The following EHBP1 variants were observed in gnomAD, a reference collection of about 807,000 sequenced individuals.
EHBP1 encodes the protein EH domain binding protein 1, also known as EH domain-binding protein 1.
In EHBP1, 55 loss-of-function variants were observed where a neutral mutation model predicts 144.0. That is an observed-to-expected ratio of 0.38 (90% CI 0.31 to 0.48). The LOEUF (loss-of-function observed/expected upper bound fraction) is 0.48. Ranked by LOEUF, EHBP1 falls within the 20% of genes least tolerant of loss-of-function variation. The pLI, the probability that EHBP1 is intolerant of heterozygous loss-of-function variation, is 0.98. For synonymous variants in EHBP1, 469 were observed against 472.7 expected, an observed-to-expected ratio of 0.99 and a Z score of 0.10; for missense variants, 1,200 against 1,364.2, an observed-to-expected ratio of 0.88 and a Z score of 1.90.
chr2:62,774,127 T>G (rs1038041805), intron 5 of EHBP1, among the ~76,000 whole-genome samples: 9 of 151,936 alleles, frequency 5.9e-5, no homozygotes, highest in Non-Finnish European at 1.2e-4. Context: ...TCCCAGCACT[T>G]TGGGAGGCCA....
At chr2:62,752,600 T>A (rs1028855865) in intron 3 of EHBP1, among the ~76,000 whole-genome samples, 7 of 152,100 alleles carry the variant, frequency 4.6e-5, no homozygotes, top group Non-Finnish European at 5.9e-5. Flanking sequence ...CCCATTATTA[T>A]TGTGTGGGAG....
intron 12 of EHBP1, 91 bp from the exon 13 acceptor site, chr2:62,948,169 C>T (rs2057172908): frequency 2.5e-6 from 3 of 1,210,808 alleles, no homozygotes; most frequent in South Asian, 2.0e-5. Context: ...TAACATGTAC[C>T]CAAACAACAA....
At chr2:62,909,340 G>A (rs1224759389) in intron 10 of EHBP1, among the ~76,000 whole-genome samples, 9 of 151,906 alleles carry the variant, frequency 5.9e-5, no homozygotes, top group African/African-American at 1.9e-4. Context: ...ATGCCACCAC[G>A]CCTGGTTAAT....
intron 2 of EHBP1, among the ~76,000 whole-genome samples, chr2:62,744,509 T>C (rs1357597222): frequency 1.3e-5 from 2 of 152,120 alleles, no homozygotes; most frequent in African/African-American, 4.8e-5. Flanking sequence ...CAGTTCTTTA[T>C]TTTAGAACAC....
intron 19 of EHBP1, among the ~76,000 whole-genome samples, chr2:63,013,050 C>T (rs1308894702): frequency 6.6e-6 from 1 of 152,096 alleles, no homozygotes; most frequent in African/African-American, 2.4e-5. Context: ...TTTAAGTCTT[C>T]TAAGAGGTAT....
At chr2:62,921,307 A>G (rs530254806) in intron 10 of EHBP1, among the ~76,000 whole-genome samples, 2 of 152,096 alleles carry the variant, frequency 1.3e-5, no homozygotes, top group South Asian at 2.1e-4. Flanking sequence ...TTTGTCAGGC[A>G]TGGTGCATGT....
chr2:63,046,336 A>C lies in EHBP1; in HGVS notation c.*836A>C, dbSNP rs992295369. ...TAATATTTATTCTGTATTGATAAAA[A>C]GTCTGTCTTGCCACTACAAGTAAAT... On this transcript the variant is annotated 3_prime_UTR_variant, in exon 23 of 23. Coordinates refer to ENST00000431489, the MANE Select transcript of EHBP1 (RefSeq NM_001142616.3). 1.3e-5 allele frequency: 2 copies of C among 152,674 alleles called. No homozygotes were observed. The highest frequency in any genetic ancestry group is 2.9e-5 in the Non-Finnish European group (2 of 68,042). The allele number at this position is 152,674 out of a possible 1,614,324, so 9.5% of individuals were successfully genotyped here. A position where few individuals can be genotyped will look rare whatever the true frequency, so the allele number is the denominator to read the frequency against.
chr2:62,840,578 G>T (rs960757794), intron 7 of EHBP1, among the ~76,000 whole-genome samples: 1 of 151,338 alleles, frequency 6.6e-6, no homozygotes, highest in Non-Finnish European at 1.5e-5. Context: ...GAAAATTTTC[G>T]CAACCTACTC....
intron 18 of EHBP1, among the ~76,000 whole-genome samples, chr2:62,995,637 T>C (rs1415748792): frequency 6.6e-6 from 1 of 152,050 alleles, no homozygotes; most frequent in Non-Finnish European, 1.5e-5. Flanking sequence ...GTGCTTATGA[T>C]AGGAGTGGTG....
chr2:62,790,296 G>T (rs1485353347), intron 5 of EHBP1, among the ~76,000 whole-genome samples: 2 of 152,090 alleles, frequency 1.3e-5, no homozygotes. Context: ...GTTTTTTGTT[G>T]TTTGTTTTGT....
At chr2:62,771,206 G>A in intron 4 of EHBP1, 133 bp from the exon 5 acceptor site, 1 of 503,784 alleles carries the variant, frequency 2.0e-6, no homozygotes. Context: ...AAAGAAAAGA[G>A]TAGGCTATTC....
chr2:63,023,786 G>T (rs1246176375), intron 19 of EHBP1, among the ~76,000 whole-genome samples: 1 of 152,110 alleles, frequency 6.6e-6, no homozygotes, highest in Non-Finnish European at 1.5e-5. Context: ...GCTTTTGAAG[G>T]ATCTAGCTCC....
chr2:62,809,895 T>TA (rs1251600370), intron 5 of EHBP1, among the ~76,000 whole-genome samples: 1 of 152,116 alleles, frequency 6.6e-6, no homozygotes, highest in Non-Finnish European at 1.5e-5. Context: ...ATACCAAAAA[T>TA]ACGTTCAACA....
chr2:62,772,291 T>C (rs544605971), intron 5 of EHBP1, among the ~76,000 whole-genome samples: 48 of 152,082 alleles, frequency 3.2e-4, no homozygotes, highest in Admixed American at 1.2e-3. Flanking sequence ...CCTAGATTGG[T>C]ACCTTAATAA....
At chr2:62,870,882 C>T (rs1461226312) in intron 9 of EHBP1, among the ~76,000 whole-genome samples, 1 of 151,430 alleles carries the variant, frequency 6.6e-6, no homozygotes, top group Non-Finnish European at 1.5e-5. Context: ...TGCATGCTTC[C>T]TGGGTATGGC....
chr2:62,799,482 T>G (rs1035336925), intron 5 of EHBP1, among the ~76,000 whole-genome samples: 2 of 152,338 alleles, frequency 1.3e-5, no homozygotes, highest in East Asian at 3.9e-4. Flanking sequence ...AAAAGTACTT[T>G]AAAAATCACC....
intron 2 of EHBP1, among the ~76,000 whole-genome samples, chr2:62,713,864 A>G (rs1257327422): frequency 6.6e-6 from 1 of 152,136 alleles, no homozygotes; most frequent in Non-Finnish European, 1.5e-5. Context: ...ATTGTTACAT[A>G]TTGTGTTTTT....
intron 21 of EHBP1, among the ~76,000 whole-genome samples, chr2:63,042,614 C>T (rs750818886): frequency 1.3e-5 from 2 of 151,986 alleles, no homozygotes; most frequent in Non-Finnish European, 2.9e-5. Flanking sequence ...GATTTCATTA[C>T]AGTTATAGAA....
Position 62,831,137 on chromosome 2 carries a change from GA to G in EHBP1, c.617del (p.Lys206ArgfsTer25). 1.3e-6 allele frequency: 2 copies of G among 1,596,368 alleles called. No individual in the cohort carries two copies. The highest frequency in any genetic ancestry group is 1.7e-6 in the Non-Finnish European group (2 of 1,174,730). ...DDDENRVNQE[E>X]KAAKITELIN... ...TGATGAGAACAGAGTGAACCAAGAA[GA>G]AAAGGCAGCTAAAATTACAGGTTGG... On this transcript the variant is annotated frameshift_variant, in exon 7 of 23. Coordinates refer to ENST00000431489, the MANE Select transcript of EHBP1 (RefSeq NM_001142616.3). LOFTEE classifies it high-confidence loss of function.
Sources: allele counts gnomAD v4.1 joint callset (sites outside exome capture counted in the v4.1 genomes callset), GRCh38; gene constraint gnomAD v4.1.1; transcripts MANE v1.5; gene names NCBI Gene and HGNC (gene_info 2026-07-23, HGNC 2026-07-21).